Variants in CPQ observed in about 807,000 individuals in gnomAD.
CPQ encodes the protein carboxypeptidase Q, also known as Ser-Met dipeptidase.
A neutral mutation model predicts 45.7 loss-of-function variants in CPQ; 37 were observed. The ratio of observed to expected loss-of-function variants is 0.81; its 90% CI spans 0.62 to 1.07. The LOEUF (loss-of-function observed/expected upper bound fraction) is 1.07, where lower values mean the gene tolerates loss of function less well. Ranked by LOEUF, CPQ falls within the 50% of genes least tolerant of loss-of-function variation. The pLI is 0.00. For missense variants in CPQ, 537 were observed against 572.9 expected (o/e 0.94, Z 0.64); for synonymous variants, 186 against 205.8 (o/e 0.90, Z 0.82).
At chr8:96,821,027 T>G (rs1369816278) in intron 2 of CPQ, among the ~76,000 whole-genome samples, 2 of 152,132 alleles carry the variant, frequency 1.3e-5, no homozygotes, top group African/African-American at 4.8e-5. Context: ...ATTTCTCTGA[T>G]GATTAGGGAT....
intron 7 of CPQ, among the ~76,000 whole-genome samples, chr8:97,128,315 G>A (rs955050680): frequency 1.3e-5 from 2 of 152,178 alleles, no homozygotes; most frequent in Admixed American, 1.3e-4. Flanking sequence ...TGCTCCTGGT[G>A]TGTAAGTCCT....
intron 7 of CPQ, among the ~76,000 whole-genome samples, chr8:97,087,110 G>A (rs1380452450): frequency 6.6e-6 from 1 of 152,030 alleles, no homozygotes; most frequent in Non-Finnish European, 1.5e-5. Flanking sequence ...CTTTGATGTT[G>A]TTTGCCCCTC....
chr8:96,702,135 G>T (rs1242819761), intron 1 of CPQ, among the ~76,000 whole-genome samples: 1 of 152,222 alleles, frequency 6.6e-6, no homozygotes, highest in East Asian at 1.9e-4. Flanking sequence ...TAACAAGAAG[G>T]CTTCTTTGGC....
chr8:96,859,483 C>G (rs1811899911), intron 3 of CPQ, among the ~76,000 whole-genome samples: 1 of 152,138 alleles, frequency 6.6e-6, no homozygotes, highest in Non-Finnish European at 1.5e-5. Context: ...CTGCCTGAAC[C>G]TACCCTAGAT....
chr8:96,824,211 G>C (rs146597928), intron 2 of CPQ, among the ~76,000 whole-genome samples: 1 of 151,928 alleles, frequency 6.6e-6, no homozygotes, highest in Non-Finnish European at 1.5e-5. Context: ...CCATCAGATA[G>C]GTCTGTGTTT....
chr8:96,770,909 C>T (rs6996371), intron 1 of CPQ, among the ~76,000 whole-genome samples: 76,793 of 147,592 alleles, frequency 0.52, 21,506 homozygotes, highest in East Asian at 0.88. Flanking sequence ...CATTCTATAC[C>T]GAAGAATAGT....
intron 2 of CPQ, among the ~76,000 whole-genome samples, chr8:96,819,406 TA>T: frequency 6.6e-6 from 1 of 151,918 alleles, no homozygotes; most frequent in Non-Finnish European, 1.5e-5. Flanking sequence ...CATTATTAAC[TA>T]AAGAAAAATG....
intron 6 of CPQ, chr8:97,055,382 G>A (rs1810436521): frequency 6.6e-6 from 1 of 152,178 alleles, no homozygotes; most frequent in Non-Finnish European, 1.5e-5. Context: ...ATGGTTTTGT[G>A]GCTAACTTTT....
At chr8:96,836,072 A>G (rs1010726933) in intron 3 of CPQ, among the ~76,000 whole-genome samples, 1 of 152,244 alleles carries the variant, frequency 6.6e-6, no homozygotes, top group Admixed American at 6.5e-5. Flanking sequence ...GAAAAGAAGC[A>G]TAACTTTAGT....
intron 1 of CPQ, among the ~76,000 whole-genome samples, chr8:96,686,935 A>G (rs886231643): frequency 6.6e-6 from 1 of 152,000 alleles, no homozygotes; most frequent in African/African-American, 2.4e-5. Flanking sequence ...TAATTCTCAA[A>G]TTTACTCACA....
intron 5 of CPQ, among the ~76,000 whole-genome samples, chr8:96,985,374 T>C (rs1207896895): frequency 6.6e-6 from 1 of 152,176 alleles, no homozygotes; most frequent in Non-Finnish European, 1.5e-5. Flanking sequence ...AAATCTATCA[T>C]TTTGTCTCCC....
At chr8:96,725,784 C>T (rs1227395047) in intron 1 of CPQ, among the ~76,000 whole-genome samples, 2 of 152,150 alleles carry the variant, frequency 1.3e-5, no homozygotes, top group African/African-American at 4.8e-5. Context: ...CACATGCACT[C>T]ATATGTTTAC....
rs529360931 is a variant in CPQ at position 96,871,531 on chromosome 8, GTTTTTTTTTTTT to G, written c.642-8253_642-8242del. 3.7e-5 allele frequency among the ~76,000 whole-genome samples: 4 copies of G among 106,996 alleles called. No homozygotes were observed. The South Asian group carries it at 1.3e-3, about 34-fold the overall frequency. The allele number at this position is 106,996 out of a possible 152,430, so 70.2% of individuals were successfully genotyped here. A position where few individuals can be genotyped will look rare whatever the true frequency, so the allele number is the denominator to read the frequency against. ...TGATAGCTTCAGGCTTTGCTTCCAG[GTTTTTTTTTTTT>G]TTTTTTTTTTTTTAAGCAGGCTGTG... On this transcript the variant is annotated intron_variant, in intron 3 of 7. Coordinates refer to ENST00000220763, the MANE Select transcript of CPQ (RefSeq NM_016134.4).
chr8:96,657,173 C>T (rs1318829501), intron 1 of CPQ, among the ~76,000 whole-genome samples: 5 of 152,030 alleles, frequency 3.3e-5, no homozygotes, highest in Admixed American at 1.3e-4. Context: ...GGTGAAACCC[C>T]GTCTCTACTA....
chr8:96,843,211 T>C (rs1011994019), intron 3 of CPQ, among the ~76,000 whole-genome samples: 11 of 152,102 alleles, frequency 7.2e-5, no homozygotes, highest in African/African-American at 2.7e-4. Flanking sequence ...TGGCCTTTTG[T>C]GGGGTTTAAA....
At chr8:96,978,240 A>G (rs1312900402) in intron 5 of CPQ, among the ~76,000 whole-genome samples, 1 of 152,166 alleles carries the variant, frequency 6.6e-6, no homozygotes, top group East Asian at 1.9e-4. Flanking sequence ...TAGAAGCTTC[A>G]CTAACACACT....
intron 1 of CPQ, among the ~76,000 whole-genome samples, chr8:96,758,535 G>T (rs1193533118): frequency 6.6e-6 from 1 of 152,140 alleles, no homozygotes. Flanking sequence ...GTCAATGAAG[G>T]TGTGTGCATG....
intron 5 of CPQ, among the ~76,000 whole-genome samples, chr8:97,011,948 C>T (rs947018341): frequency 6.6e-6 from 1 of 152,130 alleles, no homozygotes; most frequent in Admixed American, 6.6e-5. Flanking sequence ...TGTGCGCGCT[C>T]TCTCTCTCCA....
chr8:96,752,139 T>G (rs1357107660), intron 1 of CPQ, among the ~76,000 whole-genome samples: 1 of 152,140 alleles, frequency 6.6e-6, no homozygotes, highest in Non-Finnish European at 1.5e-5. Flanking sequence ...CCATACAAGC[T>G]TTAAAATTTT....
Sources: allele counts gnomAD v4.1 joint callset (sites outside exome capture counted in the v4.1 genomes callset), GRCh38; gene constraint gnomAD v4.1.1; transcripts MANE v1.5; gene names NCBI Gene and HGNC (gene_info 2026-07-23, HGNC 2026-07-21).